Variants in ACVR1B observed in about 807,000 individuals in gnomAD.
ACVR1B encodes activin A receptor type 1B, also known as activin receptor type-1B.
Under a neutral mutation model 55.6 loss-of-function variants are expected in ACVR1B, and 15 were observed. The observed-to-expected ratio is 0.27, with a 90% CI of 0.18 to 0.42. The LOEUF (loss-of-function observed/expected upper bound fraction) is 0.42, where lower values mean the gene tolerates loss of function less well. Among genes scored for constraint, ACVR1B ranks in the 10% least tolerant of loss-of-function variants. ACVR1B has a pLI of 1.00. For missense variants in ACVR1B, 359 were observed against 670.1 expected (o/e 0.54, Z 5.13); for synonymous variants, 247 against 254.6 (o/e 0.97, Z 0.28).
chr12:51,990,769 A>G (rs1942174773), intron 7 of ACVR1B, among the ~76,000 whole-genome samples: 1 of 151,634 alleles, frequency 6.6e-6, no homozygotes, highest in South Asian at 2.1e-4. Context: ...GTTCCCCCTC[A>G]TTTTTTCTTC....
At chr12:51,972,212 G>A (rs1448351241) in intron 1 of ACVR1B, among the ~76,000 whole-genome samples, 1 of 152,110 alleles carries the variant, frequency 6.6e-6, no homozygotes, top group Non-Finnish European at 1.5e-5. Context: ...TTCGAGTCCA[G>A]CTTGGGCAAC....
chr12:51,979,880 G>C (rs1398017539), intron 3 of ACVR1B, among the ~76,000 whole-genome samples: 1 of 152,184 alleles, frequency 6.6e-6, no homozygotes, highest in Non-Finnish European at 1.5e-5. Flanking sequence ...AGAGCAGGCT[G>C]AGATGGGAGG....
chr12:51,972,306 G>A lies in ACVR1B; in HGVS notation c.92-2959G>A, dbSNP rs572944960. 2.6e-5 allele frequency among the ~76,000 whole-genome samples: 4 copies of A among 152,284 alleles called. No homozygotes were observed. In the East Asian group the frequency reaches 5.8e-4, roughly 22 times the overall value. Reference sequence around the variant, plus strand: ...GCCCTGTGAAATACAGTCACGTGCCGTATAACAGCATTTTGGTCAGTGAGG... The same window carrying A: ...GCCCTGTGAAATACAGTCACGTGCCATATAACAGCATTTTGGTCAGTGAGG... On this transcript the variant is annotated intron_variant, in intron 1 of 8. Transcript: ENST00000257963.
chr12:51,992,138 C>T (rs1176889597), intron 8 of ACVR1B, 145 bp downstream of exon 8: 3 of 1,095,444 alleles, frequency 2.7e-6, no homozygotes, highest in Non-Finnish European at 3.9e-6. Context: ...TTACATATCC[C>T]AAGCCCTTTA....
At chr12:51,970,244 G>GAA (rs896454716) in intron 1 of ACVR1B, among the ~76,000 whole-genome samples, 1 of 152,314 alleles carries the variant, frequency 6.6e-6, no homozygotes, top group Non-Finnish European at 1.5e-5. Flanking sequence ...TTGTCAGAAA[G>GAA]AGCGTGGTAG....
chr12:51,973,172 G>A (rs1291928315), intron 1 of ACVR1B, among the ~76,000 whole-genome samples: 1 of 152,220 alleles, frequency 6.6e-6, no homozygotes, highest in Admixed American at 6.5e-5. Context: ...TGGAAGCAGA[G>A]GCTCCTGACT....
chr12:51,963,270 A>C (rs1188982702), intron 1 of ACVR1B, among the ~76,000 whole-genome samples: 1 of 151,898 alleles, frequency 6.6e-6, no homozygotes, highest in Non-Finnish European at 1.5e-5. Context: ...TTTGAGACAA[A>C]GTCTTGCTCC....
chr12:51,978,966 CCAGCCTGACTA>C (rs1941923318), intron 3 of ACVR1B, among the ~76,000 whole-genome samples: 1 of 151,568 alleles, frequency 6.6e-6, no homozygotes, highest in African/African-American at 2.4e-5. Context: ...AAGTTTGAGA[CCAGCCTGACTA>C]ACATGGTGAA....
rs1592237792 is a variant in ACVR1B, at chr12:51,951,791, C to T, written c.48C>T (p.Leu16=). ...CCTCCTTCTTCCCCCTTGTTGTCCT[C>T]CTGCTCGCCGGCAGCGGCGGGTCCG... ...GASSFFPLVV[L]LLAGSGGSGP... is the part of the protein sequence containing the mutation. The change falls in exon 1 of 9, where the codon CTC becomes CTT. Residue 16 remains leucine (L), a synonymous_variant. Transcript: ENST00000257963. 1 of 1,297,184 alleles carries T rather than the reference C, an allele frequency of 7.7e-7. No individual in the cohort carries two copies. 80.4% of individuals were successfully genotyped at this position (1,297,184 alleles called of 1,614,324 possible). A position where few individuals can be genotyped will look rare whatever the true frequency, so the allele number is the denominator to read the frequency against.
rs533840078 is a variant in ACVR1B, at chr12:51,973,684, T to A, written c.92-1581T>A. ...TAGTCTAATAGGCACCTACTTTAAATGTTCTGCCTTTAAGAAATAACACTA... is the reference window on the plus strand; with the variant it reads ...TAGTCTAATAGGCACCTACTTTAAAAGTTCTGCCTTTAAGAAATAACACTA... On this transcript the variant is annotated intron_variant, in intron 1 of 8. Transcript: ENST00000257963. 1.7e-4 allele frequency among the ~76,000 whole-genome samples: 26 copies of A among 152,346 alleles called. No individual in the cohort carries two copies. The South Asian group carries it at 5.2e-3, about 30-fold the overall frequency.
chr12:51,990,340 A>G (rs1220071681), intron 7 of ACVR1B, among the ~76,000 whole-genome samples: 6 of 109,896 alleles, frequency 5.5e-5, no homozygotes, highest in Non-Finnish European at 8.9e-5. Flanking sequence ...TTTTTGAGAC[A>G]GAGTCTCACT....
chr12:51,959,218 C>G (rs1377164431), intron 1 of ACVR1B, among the ~76,000 whole-genome samples: 2 of 152,214 alleles, frequency 1.3e-5, no homozygotes, highest in Non-Finnish European at 2.9e-5. Context: ...CTTTAGCCAT[C>G]TAAAGGAGGT....
chr12:51,985,405 G>A (rs1942056934), intron 6 of ACVR1B, 57 bp downstream of exon 6: 1 of 1,541,004 alleles, frequency 6.5e-7, no homozygotes, highest in Non-Finnish European at 8.7e-7. Flanking sequence ...TATCCCATCT[G>A]TGCCGTTTCC....
chr12:51,980,873 C>A, intron 3 of ACVR1B, 96 bp from the exon 4 acceptor site: 1 of 987,586 alleles, frequency 1.0e-6, no homozygotes, highest in Non-Finnish European at 1.5e-6. Flanking sequence ...ATGAAGACAC[C>A]ATGTTAAGGG....
intron 3 of ACVR1B, among the ~76,000 whole-genome samples, chr12:51,979,748 T>A (rs1941942486): frequency 1.3e-5 from 2 of 152,082 alleles, no homozygotes; most frequent in South Asian, 4.2e-4. Flanking sequence ...ATGTGGGAAA[T>A]GAATGTTCAT....
At chr12:51,965,090 G>A (rs1286648792) in intron 1 of ACVR1B, among the ~76,000 whole-genome samples, 1 of 152,080 alleles carries the variant, frequency 6.6e-6, no homozygotes, top group Non-Finnish European at 1.5e-5. Context: ...TACTCTATGT[G>A]TAATTTATGT....
At chr12:51,954,992 C>G (rs912339130) in intron 1 of ACVR1B, among the ~76,000 whole-genome samples, 1 of 152,184 alleles carries the variant, frequency 6.6e-6, no homozygotes, top group East Asian at 1.9e-4. Context: ...AAGTTAATTT[C>G]TGTCTCTGGC....
intron 3 of ACVR1B, 42 bp downstream of exon 3, chr12:51,976,617 A>T (rs1166829686): frequency 1.9e-6 from 3 of 1,606,616 alleles, no homozygotes; most frequent in Middle Eastern, 2.2e-4. Context: ...GTTGGCTTTC[A>T]TCAGTTTCCC....
chr12:51,963,577 T>C (rs1941581151), intron 1 of ACVR1B, among the ~76,000 whole-genome samples: 1 of 152,240 alleles, frequency 6.6e-6, no homozygotes, highest in Non-Finnish European at 1.5e-5. Context: ...GTGGCTTCTT[T>C]CATGTAATAT....
Sources: allele counts gnomAD v4.1 joint callset (sites outside exome capture counted in the v4.1 genomes callset), GRCh38; gene constraint gnomAD v4.1.1; transcripts MANE v1.5; gene names NCBI Gene and HGNC (gene_info 2026-07-23, HGNC 2026-07-21).